Variants in MYH11 observed in about 807,000 individuals in gnomAD.
MYH11 encodes the protein myosin-11.
Under a neutral mutation model 246.6 loss-of-function variants are expected in MYH11, and 80 were observed. The ratio of observed to expected loss-of-function variants is 0.32; its 90% CI spans 0.27 to 0.39. MYH11 has a LOEUF of 0.39. Among genes scored for constraint, MYH11 ranks in the 10% least tolerant of loss-of-function variants. MYH11 has a pLI of 1.00. For synonymous variants in MYH11, 1,071 were observed against 1,015.5 expected (o/e 1.05, Z -1.04); for missense variants, 2,158 against 2,546.8 (o/e 0.85, Z 3.29).
At chr16:15,855,159 T>TA (rs768871048) in intron 1 of MYH11, among the ~76,000 whole-genome samples, 22 of 152,024 alleles carry the variant, frequency 1.4e-4, no homozygotes, top group Admixed American at 5.9e-4. Context: ...GACATGATAA[T>TA]AAAAAAACAT....
At chr16:15,802,393 G>A (rs1442790752) in intron 3 of MYH11, among the ~76,000 whole-genome samples, 1 of 152,184 alleles carries the variant, frequency 6.6e-6, no homozygotes, top group Non-Finnish European at 1.5e-5. Flanking sequence ...ACTAGGGTGG[G>A]TTGAACTGTG....
At chr16:15,797,289 A>G (rs1195655163) in intron 4 of MYH11, among the ~76,000 whole-genome samples, 1 of 152,144 alleles carries the variant, frequency 6.6e-6, no homozygotes, top group Non-Finnish European at 1.5e-5. Flanking sequence ...TTGTCCTTCC[A>G]GATAATTTCA....
chr16:15,816,964 T>C (rs2043277748), intron 3 of MYH11, among the ~76,000 whole-genome samples: 1 of 152,170 alleles, frequency 6.6e-6, no homozygotes, highest in Non-Finnish European at 1.5e-5. Flanking sequence ...TGCACTGATA[T>C]GTAACATCCT....
chr16:15,757,139 A>G (rs1451938085), intron 13 of MYH11, among the ~76,000 whole-genome samples: 1 of 151,578 alleles, frequency 6.6e-6, no homozygotes, highest in African/African-American at 2.4e-5. Context: ...CTTGACTTGA[A>G]TTCACCTAGG....
At position 15,748,044 on chromosome 16, in the gene MYH11, T is replaced by C; in HGVS notation, c.2180+3A>G. The stretch of plus-strand genomic sequence containing the variant: ...CCTACCTGGGCCAGACCTTGGGACT[T>C]ACCGTTGGCGGAACTCCTGGAAGAC... On this transcript the variant is annotated splice_donor_region_variant and intron_variant, in intron 17 of 40. Transcript: ENST00000300036. The C allele has an allele frequency of 6.2e-7, 1 of 1,614,168 alleles. No individual in the cohort carries two copies.
intron 4 of MYH11, among the ~76,000 whole-genome samples, chr16:15,790,592 C>A (rs2042585742): frequency 6.6e-6 from 1 of 152,194 alleles, no homozygotes; most frequent in Non-Finnish European, 1.5e-5. Context: ...ACATTCATAG[C>A]TTGGCTTTTC....
intron 9 of MYH11, 49 bp from the exon 10 acceptor site, chr16:15,763,940 G>A: frequency 6.7e-7 from 1 of 1,494,532 alleles, no homozygotes; most frequent in Non-Finnish European, 9.3e-7. Flanking sequence ...CAATGCCAAG[G>A]TACCCTGGAG....
At chr16:15,817,999 G>T (rs1452116424) in intron 3 of MYH11, among the ~76,000 whole-genome samples, 1 of 152,200 alleles carries the variant, frequency 6.6e-6, no homozygotes, top group Non-Finnish European at 1.5e-5. Context: ...GCTACTATGT[G>T]CCAGGCACCA....
At position 15,775,134 on chromosome 16, in the gene MYH11, TA is replaced by T. The variant is rs1283619561; in HGVS notation, c.889+943del. Among the ~76,000 whole-genome samples the T allele has an allele frequency of 3.9e-5, 6 of 152,346 alleles. No homozygotes were observed. In the East Asian group the frequency reaches 5.8e-4, roughly 15 times the overall value. The stretch of plus-strand genomic sequence containing the variant: ...GATAGTCACTGATCCATTCCTTTTT[TA>T]AGCTATGCGATTTGTATATATTTTT... On this transcript the variant is annotated intron_variant, in intron 8 of 40. Transcript: ENST00000300036.
intron 27 of MYH11, among the ~76,000 whole-genome samples, 181 bp from the exon 28 acceptor site, chr16:15,727,235 C>CT (rs1456174512): frequency 6.7e-6 from 1 of 148,246 alleles, no homozygotes; most frequent in Non-Finnish European, 1.5e-5. Flanking sequence ...AGTCTTAACT[C>CT]TGTTACCCAG....
intron 20 of MYH11, 76 bp from the exon 21 acceptor site, chr16:15,741,967 T>G (rs1263361841): frequency 2.5e-6 from 4 of 1,584,774 alleles, no homozygotes; most frequent in Non-Finnish European, 1.7e-6. Context: ...CGATCAGTGG[T>G]TCCGAGCCAG....
chr16:15,766,936 A>T (rs1439867196), intron 9 of MYH11, among the ~76,000 whole-genome samples: 1 of 152,230 alleles, frequency 6.6e-6, no homozygotes, highest in Non-Finnish European at 1.5e-5. Flanking sequence ...GGTGCAAAGC[A>T]CGCGCTCTGC....
At chr16:15,745,829 C>T (rs9923788) in intron 19 of MYH11, among the ~76,000 whole-genome samples, 8,705 of 152,106 alleles carry the variant, frequency 0.057, 861 homozygotes, top group African/African-American at 0.2. Context: ...TCAGGTGATC[C>T]ACCCACCTTG....
chr16:15,738,593 C>T lies in MYH11; in HGVS notation c.3093G>A (p.Lys1031=), dbSNP rs2041188784. Residue 1031 remains lysine, a synonymous_variant, in exon 24 of 41, where the codon AAG becomes AAA. Transcript: ENST00000300036. Reference sequence around the variant, plus strand: ...CCAGTTCTGAAATCATAGATTCATGCTTGTTTTTCAGCTTGGTAAGATTCT... The same window carrying T: ...CCAGTTCTGAAATCATAGATTCATGTTTGTTTTTCAGCTTGGTAAGATTCT... ...KAKNLTKLKN[K]HESMISELEV... 3 of 1,613,940 alleles carry T rather than the reference C, an allele frequency of 1.9e-6. No individual in the cohort carries two copies. The highest frequency in any genetic ancestry group is 1.1e-5 in the South Asian group (1 of 90,996).
chr16:15,790,873 C>T (rs1721753383), intron 4 of MYH11: 1 of 152,098 alleles, frequency 6.6e-6, no homozygotes, highest in Non-Finnish European at 1.5e-5. Flanking sequence ...CTCACAGGGA[C>T]CACCCTGTGC....
At chr16:15,758,566 G>A (rs2041790299) in intron 12 of MYH11, among the ~76,000 whole-genome samples, 1 of 151,914 alleles carries the variant, frequency 6.6e-6, no homozygotes, top group Non-Finnish European at 1.5e-5. Flanking sequence ...CACTTTGGGA[G>A]GCCGAGGCTG....
At chr16:15,757,709 T>G in intron 13 of MYH11, 118 bp downstream of exon 13, 2 of 1,286,498 alleles carry the variant, frequency 1.6e-6, no homozygotes, top group Non-Finnish European at 2.2e-6. Flanking sequence ...GACTGGGTGA[T>G]GGATTGGGTG....
At chr16:15,753,167 C>A (rs189922021) in intron 15 of MYH11, among the ~76,000 whole-genome samples, 5 of 152,128 alleles carry the variant, frequency 3.3e-5, no homozygotes, top group Non-Finnish European at 7.4e-5. Flanking sequence ...TGAGCCCTGA[C>A]CTCAGGACCT....
At chr16:15,842,455 T>C (rs2044077162) in intron 1 of MYH11, among the ~76,000 whole-genome samples, 1 of 151,722 alleles carries the variant, frequency 6.6e-6, no homozygotes. Context: ...AGACCTGATA[T>C]CGTAGCTGAT....
Sources: gnomAD v4.1 joint callset for allele counts (sites outside exome capture counted in the v4.1 genomes callset) on GRCh38, gnomAD v4.1.1 for gene constraint, MANE v1.5 for transcripts, NCBI Gene and HGNC (gene_info 2026-07-23, HGNC 2026-07-21) for gene names.